GALNTL6: variants seen among roughly 807,000 people sequenced by gnomAD.
GALNTL6 encodes the protein polypeptide N-acetylgalactosaminyltransferase like 6.
A neutral mutation model predicts 73.7 loss-of-function variants in GALNTL6; 46 were observed. That is an observed-to-expected ratio of 0.62 (90% CI 0.49 to 0.80). The LOEUF is 0.80. GALNTL6 is among the 30% of genes least tolerant of loss of function. The pLI is 0.00. For missense variants in GALNTL6, 604 were observed against 755.0 expected (o/e 0.80, Z 2.34); for synonymous variants, 259 against 263.7 (o/e 0.98, Z 0.17).
rs28414522 is a variant in GALNTL6, at chr4:172,996,281, C to T, written c.1372-12897C>T. Among the ~76,000 whole-genome samples the T allele has an allele frequency of 3.3e-3, 495 of 152,058 alleles. 1 individual carries two copies. Among genetic ancestry groups the T allele is most frequent in the African/African-American group, 0.011 (442 of 41,484 alleles). ...GAGGCCGTTATCCTTAGCAAACTAACGCAGGAACAGAAAATCAAATATTAC... is the reference window on the plus strand; with the variant it reads ...GAGGCCGTTATCCTTAGCAAACTAATGCAGGAACAGAAAATCAAATATTAC... On this transcript the variant is annotated intron_variant, in intron 10 of 12. Transcript: ENST00000506823.
intron 7 of GALNTL6, among the ~76,000 whole-genome samples, chr4:172,833,025 T>A (rs1560982302): frequency 6.6e-6 from 1 of 150,828 alleles, no homozygotes; most frequent in Non-Finnish European, 1.5e-5. Context: ...GGAAGAACTG[T>A]GATTGGCAGC....
In GALNTL6 at chr4:172,499,799, C is replaced by T. The variant is rs919963238; in HGVS notation, c.553+151110C>T. Among the ~76,000 whole-genome samples, 8 of 152,268 alleles carry T rather than the reference C, an allele frequency of 5.3e-5. No homozygotes were observed. The South Asian group carries it at 6.2e-4, about 12-fold the overall frequency. On this transcript the variant is annotated intron_variant, in intron 5 of 12. Transcript: ENST00000506823. ...TACTAAAACCAAATTTTAAAACTCA[C>T]TGCATGGTCTCAATGGGATAGAATC... is the stretch of plus-strand genomic sequence containing the variant.
intron 2 of GALNTL6, among the ~76,000 whole-genome samples, chr4:172,124,378 C>A (rs1218163582): frequency 1.3e-5 from 2 of 152,046 alleles, no homozygotes; most frequent in Non-Finnish European, 2.9e-5. Context: ...AAAGTTAGTT[C>A]TAGGTCAAAA....
intron 3 of GALNTL6, among the ~76,000 whole-genome samples, chr4:172,250,298 A>T (rs1219904385): frequency 6.6e-6 from 1 of 152,096 alleles, no homozygotes; most frequent in East Asian, 1.9e-4. Context: ...GGAAGTAATT[A>T]ACTTGCTTTT....
At chr4:172,815,084 G>T (rs1247631743) in intron 7 of GALNTL6, among the ~76,000 whole-genome samples, 1 of 152,166 alleles carries the variant, frequency 6.6e-6, no homozygotes, top group Non-Finnish European at 1.5e-5. Context: ...GCTTAGCTGA[G>T]AGATGTTCTT....
chr4:172,251,857 C>T (rs1737892186), intron 3 of GALNTL6, among the ~76,000 whole-genome samples: 1 of 152,034 alleles, frequency 6.6e-6, no homozygotes, highest in South Asian at 2.1e-4. Context: ...CTAACAGAGA[C>T]CCTAACCACA....
At chr4:172,096,353 C>T (rs1463142319) in intron 2 of GALNTL6, among the ~76,000 whole-genome samples, 1 of 152,160 alleles carries the variant, frequency 6.6e-6, no homozygotes, top group African/African-American at 2.4e-5. Context: ...TCTCAGCTTT[C>T]CAAAGTGTTG....
Position 173,040,338 on chromosome 4 carries a change from G to C in GALNTL6, c.*238G>C. 2.0e-6 allele frequency: 1 copy of C among 489,238 alleles called. No individual in the cohort carries two copies. Among genetic ancestry groups the C allele is most frequent in the South Asian group, 3.0e-5 (1 of 33,028 alleles). The allele number at this position is 489,238 out of a possible 1,614,324, so 30.3% of individuals were successfully genotyped here. A position where few individuals can be genotyped will look rare whatever the true frequency, so the allele number is the denominator to read the frequency against. ...GACTAGCAGTTCCCTTGCTGGCCAAGGGCAAAGATAATTTAGGGACTTTTC... is the reference window on the plus strand; with the variant it reads ...GACTAGCAGTTCCCTTGCTGGCCAACGGCAAAGATAATTTAGGGACTTTTC... On this transcript the variant is annotated 3_prime_UTR_variant, in exon 13 of 13. Coordinates refer to ENST00000506823, the MANE Select transcript of GALNTL6 (RefSeq NM_001034845.3).
chr4:172,822,349 T>C (rs1048540488), intron 7 of GALNTL6, among the ~76,000 whole-genome samples: 4 of 152,052 alleles, frequency 2.6e-5, no homozygotes, highest in East Asian at 1.9e-4. Context: ...CATTCAATCA[T>C]AGGTAGCCTG....
At chr4:172,194,096 C>T (rs183616635) in intron 2 of GALNTL6, among the ~76,000 whole-genome samples, 232 of 152,202 alleles carry the variant, frequency 1.5e-3, no homozygotes, top group African/African-American at 5.3e-3. Flanking sequence ...CATGATAAAA[C>T]ATTACAGGAG....
chr4:172,414,988 T>C (rs1056022143), intron 5 of GALNTL6, among the ~76,000 whole-genome samples: 5 of 152,162 alleles, frequency 3.3e-5, no homozygotes, highest in African/African-American at 1.2e-4. Flanking sequence ...CTGATGTCTC[T>C]ATTTCTTTTA....
At chr4:172,902,719 T>G (rs1746690833) in intron 8 of GALNTL6, among the ~76,000 whole-genome samples, 1 of 152,198 alleles carries the variant, frequency 6.6e-6, no homozygotes, top group African/African-American at 2.4e-5. Flanking sequence ...GTAACCACCT[T>G]TGTTGTGTTT....
At chr4:172,942,574 C>T (rs1748966355) in intron 9 of GALNTL6, among the ~76,000 whole-genome samples, 1 of 152,146 alleles carries the variant, frequency 6.6e-6, no homozygotes, top group East Asian at 1.9e-4. Flanking sequence ...TTCAGATTGT[C>T]CCCCAACCAT....
chr4:172,112,660 C>T (rs989375381), intron 2 of GALNTL6, among the ~76,000 whole-genome samples: 2 of 151,974 alleles, frequency 1.3e-5, no homozygotes, highest in South Asian at 2.1e-4. Context: ...GCTCTACATG[C>T]TATACATTAA....
intron 5 of GALNTL6, among the ~76,000 whole-genome samples, chr4:172,577,623 G>T (rs1484342521): frequency 6.6e-6 from 1 of 151,948 alleles, no homozygotes; most frequent in African/African-American, 2.4e-5. Context: ...AGTTTCTCCC[G>T]GTGGCTGTTT....
At chr4:172,583,893 CAAAAAAAAA>C (rs57722016) in intron 5 of GALNTL6, among the ~76,000 whole-genome samples, 59 of 31,616 alleles carry the variant, frequency 1.9e-3, no homozygotes, top group African/African-American at 4.0e-3. Flanking sequence ...GACTCTGTCT[CAAAAAAAAA>C]AAAAAAAAAA....
chr4:172,415,673 G>A (rs1047114360), intron 5 of GALNTL6, among the ~76,000 whole-genome samples: 4 of 152,182 alleles, frequency 2.6e-5, no homozygotes, highest in East Asian at 1.9e-4. Context: ...GAGCATCCGC[G>A]GACTCACGTC....
At chr4:172,194,187 T>C (rs1261523748) in intron 2 of GALNTL6, among the ~76,000 whole-genome samples, 2 of 152,198 alleles carry the variant, frequency 1.3e-5, no homozygotes, top group African/African-American at 2.4e-5. Context: ...AACTTCACAG[T>C]GCAACCACAA....
chr4:172,957,790 C>A (rs1181527696), intron 10 of GALNTL6, among the ~76,000 whole-genome samples: 1 of 152,020 alleles, frequency 6.6e-6, no homozygotes, highest in Admixed American at 6.6e-5. Context: ...GCAATGAGTT[C>A]GGCTTGCTGA....
Sources: gnomAD v4.1 joint callset for allele counts (sites outside exome capture counted in the v4.1 genomes callset) on GRCh38, gnomAD v4.1.1 for gene constraint, MANE v1.5 for transcripts, NCBI Gene and HGNC (gene_info 2026-07-23, HGNC 2026-07-21) for gene names.